Variants in NRP1 observed in about 807,000 individuals in gnomAD.
The protein encoded by NRP1 is neuropilin 1.
Under a neutral mutation model 106.7 loss-of-function variants are expected in NRP1, and 35 were observed. That is an observed-to-expected ratio of 0.33 (90% CI 0.25 to 0.43). NRP1 has a LOEUF of 0.43. Ranked by LOEUF, NRP1 falls within the 20% of genes least tolerant of loss-of-function variation. The probability of loss-of-function intolerance (pLI) is 1.00; values close to 1 mark genes in which losing one functional copy is unlikely to be tolerated. For synonymous variants in NRP1, 437 were observed against 417.9 expected, an observed-to-expected ratio of 1.05 and a Z score of -0.56; for missense variants, 1,024 against 1,170.4, an observed-to-expected ratio of 0.87 and a Z score of 1.83.
rs969453617 is a variant in NRP1 at position 33,177,931 on chromosome 10, T to A, written c.*2145A>T. 6.6e-6 allele frequency: 1 copy of A among 152,614 alleles called. No homozygotes were observed. The highest frequency in any genetic ancestry group is 6.5e-5 in the Admixed American group (1 of 15,272). The allele number at this position is 152,614 out of a possible 1,614,324, so 9.5% of individuals were successfully genotyped here. Reference sequence around the variant, plus strand: ...ATAAACATATAATTTTTAAATATATTTATCAGTGCAAGATACTTTAAATTT... The same window carrying A: ...ATAAACATATAATTTTTAAATATATATATCAGTGCAAGATACTTTAAATTT... On this transcript the variant is annotated 3_prime_UTR_variant, in exon 17 of 17. Transcript: ENST00000374867.
chr10:33,208,608 G>A (rs1473841266), intron 9 of NRP1, among the ~76,000 whole-genome samples: 7 of 152,110 alleles, frequency 4.6e-5, no homozygotes, highest in South Asian at 2.1e-4. Context: ...GGGAGAAGGC[G>A]GAGGGGGAGG....
intron 13 of NRP1, among the ~76,000 whole-genome samples, chr10:33,189,443 C>T (rs1274608194): frequency 6.6e-6 from 1 of 152,206 alleles, no homozygotes; most frequent in Admixed American, 6.5e-5. Flanking sequence ...CTGGCCTCTG[C>T]CATTGGAAGC....
intron 10 of NRP1, chr10:33,206,409 G>A (rs955348437): frequency 8.5e-5 from 41 of 482,554 alleles, no homozygotes; most frequent in Non-Finnish European, 1.4e-4. Context: ...ACCACACGGT[G>A]AAGAATAGGA....
intron 2 of NRP1, among the ~76,000 whole-genome samples, chr10:33,324,401 T>C (rs762400189): frequency 1.8e-4 from 28 of 152,120 alleles, no homozygotes; most frequent in Non-Finnish European, 2.9e-4. Context: ...AATAAAAAGA[T>C]GAAGAAAAAT....
intron 6 of NRP1, among the ~76,000 whole-genome samples, chr10:33,226,665 CT>C (rs1305292412): frequency 6.6e-6 from 1 of 152,180 alleles, no homozygotes; most frequent in Non-Finnish European, 1.5e-5. Context: ...CTCTTTAAGT[CT>C]GATAAGAAAC....
chr10:33,259,420 G>A (rs896767917), intron 4 of NRP1, among the ~76,000 whole-genome samples: 1 of 152,178 alleles, frequency 6.6e-6, no homozygotes, highest in African/African-American at 2.4e-5. Flanking sequence ...ATATTGATCT[G>A]AGCGAGAGTG....
intron 4 of NRP1, among the ~76,000 whole-genome samples, chr10:33,257,618 C>G (rs1010941086): frequency 4.1e-5 from 6 of 145,162 alleles, no homozygotes; most frequent in African/African-American, 1.6e-4. Flanking sequence ...GAGCGAGACT[C>G]TGTCTCAGAA....
chr10:33,283,681 A>G (rs1007905036), intron 2 of NRP1, among the ~76,000 whole-genome samples: 2 of 152,168 alleles, frequency 1.3e-5, no homozygotes, highest in African/African-American at 4.8e-5. Flanking sequence ...CAAACCTTTA[A>G]CTATCTCTAT....
chr10:33,293,350 T>C (rs1845137540), intron 2 of NRP1, among the ~76,000 whole-genome samples: 2 of 152,294 alleles, frequency 1.3e-5, no homozygotes, highest in South Asian at 4.1e-4. Context: ...GGGGCCTCCT[T>C]AGAATTTTAC....
intron 6 of NRP1, among the ~76,000 whole-genome samples, chr10:33,236,948 G>T (rs1840602670): frequency 6.6e-6 from 1 of 152,172 alleles, no homozygotes; most frequent in Admixed American, 6.5e-5. Context: ...ATGAAGCTGA[G>T]ACGTAGCGCA....
chr10:33,308,548 G>A (rs891083845), intron 2 of NRP1, among the ~76,000 whole-genome samples: 35 of 151,776 alleles, frequency 2.3e-4, no homozygotes, highest in African/African-American at 7.7e-4. Flanking sequence ...GTTTAGTGGC[G>A]CGATCTCGGC....
chr10:33,270,328 ATT>A lies in NRP1; in HGVS notation c.430+345_430+346del, dbSNP rs11457192. Among the ~76,000 whole-genome samples the A allele has an allele frequency of 8.4e-4, 120 of 142,986 alleles. 1 individual carries two copies. The highest frequency in any genetic ancestry group is 3.0e-3 in the African/African-American group (116 of 38,520). 93.8% of individuals were successfully genotyped at this position (142,986 alleles called of 152,430 possible). A position where few individuals can be genotyped will look rare whatever the true frequency, so the allele number is the denominator to read the frequency against. On this transcript the variant is annotated intron_variant, in intron 3 of 16. Coordinates refer to ENST00000374867, the MANE Select transcript of NRP1 (RefSeq NM_003873.7). Reference sequence around the variant, plus strand: ...CGTGAAATCAAACAATGTTAAATAAATTTTTTTTTTTTTTTTGAGACAGAGTC... The same window carrying A: ...CGTGAAATCAAACAATGTTAAATAAATTTTTTTTTTTTTTGAGACAGAGTC...
intron 2 of NRP1, among the ~76,000 whole-genome samples, chr10:33,315,126 C>T (rs528402275): frequency 6.6e-5 from 10 of 152,154 alleles, no homozygotes; most frequent in Non-Finnish European, 8.8e-5. Flanking sequence ...ACATTTTATG[C>T]GTTCAACTCC....
intron 2 of NRP1, among the ~76,000 whole-genome samples, chr10:33,309,127 C>G (rs528503254): frequency 8.5e-5 from 13 of 152,248 alleles, no homozygotes; most frequent in Middle Eastern, 3.4e-3. Flanking sequence ...GCAGAGATGG[C>G]AGTTTTGGGG....
chr10:33,212,969 C>T (rs1838428573), intron 9 of NRP1: 4 of 463,122 alleles, frequency 8.6e-6, no homozygotes, highest in Non-Finnish European at 1.1e-5. Flanking sequence ...CTGAGCCTGG[C>T]CCACAATAAA....
chr10:33,209,383 C>G (rs1443879996), intron 9 of NRP1, among the ~76,000 whole-genome samples: 1 of 152,204 alleles, frequency 6.6e-6, no homozygotes, highest in African/African-American at 2.4e-5. Flanking sequence ...GTGGCAGGGC[C>G]AAGACTCAAA....
rs563759963 is a variant in NRP1 at position 33,179,094 on chromosome 10, T to C, written c.*982A>G. 5 of 152,736 alleles carry C rather than the reference T, an allele frequency of 3.3e-5. No homozygotes were observed. The highest frequency in any genetic ancestry group is 4.8e-5 in the African/African-American group (2 of 41,584). 9.5% of individuals were successfully genotyped at this position (152,736 alleles called of 1,614,324 possible). On this transcript the variant is annotated 3_prime_UTR_variant, in exon 17 of 17. Transcript: ENST00000374867. Reference sequence around the variant, plus strand: ...AATAAGAGAGAATATTGTAGCTTTATACAAAAGGGTCAAGAAACATGAAAT... The same window carrying C: ...AATAAGAGAGAATATTGTAGCTTTACACAAAAGGGTCAAGAAACATGAAAT...
chr10:33,319,067 C>T (rs1196816734), intron 2 of NRP1, among the ~76,000 whole-genome samples: 9 of 145,858 alleles, frequency 6.2e-5, no homozygotes, highest in South Asian at 2.2e-4. Context: ...TGCAGTGGCA[C>T]GATATCAGCT....
At chr10:33,247,526 GGCCGAGGGT>G (rs1183427568) in intron 6 of NRP1, among the ~76,000 whole-genome samples, 1 of 152,206 alleles carries the variant, frequency 6.6e-6, no homozygotes, top group African/African-American at 2.4e-5. Flanking sequence ...AGGACCCTGG[GGCCGAGGGT>G]GGCAAACCTG....
Sources: allele counts gnomAD v4.1 joint callset (sites outside exome capture counted in the v4.1 genomes callset), GRCh38; gene constraint gnomAD v4.1.1; transcripts MANE v1.5; gene names NCBI Gene and HGNC (gene_info 2026-07-23, HGNC 2026-07-21).